The following ATP2B4 variants were observed in gnomAD, a reference collection of about 807,000 sequenced individuals.
ATP2B4 encodes ATPase plasma membrane Ca2+ transporting 4.
ATP2B4 carries 39 observed loss-of-function variants against 110.3 expected under a neutral mutation model. The observed-to-expected ratio is 0.35, with a 90% CI of 0.27 to 0.46. The LOEUF (loss-of-function observed/expected upper bound fraction) is 0.46. ATP2B4 is among the 20% of genes least tolerant of loss of function. The pLI is 1.00. For synonymous variants in ATP2B4, 538 were observed against 571.7 expected, an observed-to-expected ratio of 0.94 and a Z score of 0.84; for missense variants, 1,135 against 1,530.9, an observed-to-expected ratio of 0.74 and a Z score of 4.32.
chr1:203,649,800 A>G (rs1236349989), intron 1 of ATP2B4, among the ~76,000 whole-genome samples: 1 of 152,266 alleles, frequency 6.6e-6, no homozygotes, highest in South Asian at 2.1e-4. Flanking sequence ...AAAAACAAGC[A>G]AAAAACCAAG....
At chr1:203,633,981 C>G (rs1043470455) in intron 1 of ATP2B4, among the ~76,000 whole-genome samples, 4 of 151,922 alleles carry the variant, frequency 2.6e-5, no homozygotes, top group Admixed American at 2.6e-4. Flanking sequence ...ACCTGGGAGG[C>G]GGAGGTTGCA....
At chr1:203,636,189 AG>A (rs1663431267) in intron 1 of ATP2B4, among the ~76,000 whole-genome samples, 1 of 152,242 alleles carries the variant, frequency 6.6e-6, no homozygotes, top group South Asian at 2.1e-4. Context: ...TTCTCTAATT[AG>A]GTGATTCTGA....
At chr1:203,737,391 G>A (rs1666902190) in intron 20 of ATP2B4, among the ~76,000 whole-genome samples, 1 of 152,164 alleles carries the variant, frequency 6.6e-6, no homozygotes, top group African/African-American at 2.4e-5. Context: ...GAAAAATGTG[G>A]GCTATGTTAT....
rs143815943 is a variant in ATP2B4, at chr1:203,664,178, T to C, written c.-464-18564T>C. 2.5e-3 allele frequency among the ~76,000 whole-genome samples: 378 copies of C among 152,322 alleles called. 2 individuals are homozygous for C. The highest frequency in any genetic ancestry group is 8.6e-3 in the African/African-American group (357 of 41,570). ...TACTCTCATGAACTCTTTCTGTCTTTTTACTTAGTCTTGCTGACACCACTT... is the reference window on the plus strand; with the variant it reads ...TACTCTCATGAACTCTTTCTGTCTTCTTACTTAGTCTTGCTGACACCACTT... On this transcript the variant is annotated intron_variant, in intron 1 of 20. Coordinates refer to ENST00000357681, the MANE Select transcript of ATP2B4 (RefSeq NM_001684.5).
At chr1:203,707,316 C>T (rs1404274511) in intron 9 of ATP2B4, 93 bp downstream of exon 9, 2 of 1,290,276 alleles carry the variant, frequency 1.6e-6, no homozygotes, top group Non-Finnish European at 2.1e-6. Context: ...GCCATTCTAT[C>T]ATCTATAAAC....
intron 1 of ATP2B4, among the ~76,000 whole-genome samples, chr1:203,637,607 AT>A: frequency 6.6e-6 from 1 of 152,308 alleles, no homozygotes; most frequent in Admixed American, 6.5e-5. Context: ...TGGATTAGAA[AT>A]TCAGGCAAAG....
chr1:203,639,619 T>C (rs1444866946), intron 1 of ATP2B4, among the ~76,000 whole-genome samples: 2 of 152,188 alleles, frequency 1.3e-5, no homozygotes, highest in Non-Finnish European at 2.9e-5. Context: ...AGTGAGACCA[T>C]GGCCTGAATG....
At chr1:203,699,128 C>T (rs1280036809) in intron 3 of ATP2B4, among the ~76,000 whole-genome samples, 1 of 152,164 alleles carries the variant, frequency 6.6e-6, no homozygotes. Context: ...AAAGTGCCCC[C>T]TGCCACCAAT....
At position 203,686,685 on chromosome 1, in the gene ATP2B4, C is replaced by CTTTTTTTTTTTTTTTTTTTTTTTTTTTT. The variant is rs779048789; in HGVS notation, c.193+3313_193+3314insTTTTTTTTTTTTTTTTTTTTTTTTTTTT. 1.8e-3 allele frequency among the ~76,000 whole-genome samples: 79 copies of CTTTTTTTTTTTTTTTTTTTTTTTTTTTT among 42,784 alleles called. 9 individuals carry two copies. The highest frequency in any genetic ancestry group is 0.011 in the East Asian group (5 of 462). 28.1% of individuals were successfully genotyped at this position (42,784 alleles called of 152,430 possible). ...CCTGGTGTTTTTCTTTCTTTTCTTT[C>CTTTTTTTTTTTTTTTTTTTTTTTTTTTT]TTTTTTTTTTTTTTTTTTTTTTTTT... On this transcript the variant is annotated intron_variant, in intron 2 of 20. Coordinates refer to ENST00000357681, the MANE Select transcript of ATP2B4 (RefSeq NM_001684.5).
chr1:203,698,662 T>A (rs1258989200), intron 3 of ATP2B4, among the ~76,000 whole-genome samples: 2 of 151,646 alleles, frequency 1.3e-5, no homozygotes, highest in Non-Finnish European at 2.9e-5. Flanking sequence ...TATTATTATT[T>A]TAATGGAATC....
intron 1 of ATP2B4, among the ~76,000 whole-genome samples, chr1:203,643,831 G>A (rs2102308599): frequency 6.6e-6 from 1 of 152,330 alleles, no homozygotes; most frequent in Non-Finnish European, 1.5e-5. Context: ...GGTTTTGGCT[G>A]CAGCGTTTTC....
At chr1:203,633,744 A>T (rs139235074) in intron 1 of ATP2B4, among the ~76,000 whole-genome samples, 1 of 151,660 alleles carries the variant, frequency 6.6e-6, no homozygotes, top group African/African-American at 2.4e-5. Flanking sequence ...ATAAATAAAT[A>T]AAGTAAATGC....
At chr1:203,734,292 A>G (rs1399302543) in intron 20 of ATP2B4, among the ~76,000 whole-genome samples, 1 of 151,898 alleles carries the variant, frequency 6.6e-6, no homozygotes, top group Non-Finnish European at 1.5e-5. Context: ...CGATAGAGCA[A>G]GACTCTGTCT....
At chr1:203,728,505 G>A (rs1040308775) in intron 20 of ATP2B4, among the ~76,000 whole-genome samples, 1 of 152,120 alleles carries the variant, frequency 6.6e-6, no homozygotes, top group Non-Finnish European at 1.5e-5. Flanking sequence ...CTGCTGATTG[G>A]CTAGAGATCT....
intron 10 of ATP2B4, among the ~76,000 whole-genome samples, chr1:203,708,721 G>T (rs1665919393): frequency 6.6e-6 from 1 of 152,166 alleles, no homozygotes; most frequent in South Asian, 2.1e-4. Flanking sequence ...GCCAGGCATG[G>T]TTGCGCACCT....
At position 203,726,425 on chromosome 1, in the gene ATP2B4, C is replaced by CTT. The variant is rs71861339; in HGVS notation, c.3133-956_3133-955dup. On this transcript the variant is annotated intron_variant, in intron 19 of 20. Coordinates refer to ENST00000357681, the MANE Select transcript of ATP2B4 (RefSeq NM_001684.5). ...ACCCTGTTCTGTTTGGTGAAGATTT[C>CTT]TTTTTTTTTTTTTTTACCAATGGGT... Among the ~76,000 whole-genome samples the CTT allele has an allele frequency of 2.1e-3, 301 of 145,152 alleles. 3 individuals carry two copies. The East Asian group carries it at 0.028, about 13-fold the overall frequency.
intron 1 of ATP2B4, among the ~76,000 whole-genome samples, chr1:203,637,654 A>G (rs1254077723): frequency 2.0e-5 from 3 of 152,160 alleles, no homozygotes; most frequent in South Asian, 2.1e-4. Context: ...CTCCTTGCCA[A>G]TCCAGACTTT....
At chr1:203,731,295 T>C (rs539004195) in intron 20 of ATP2B4, among the ~76,000 whole-genome samples, 8 of 152,316 alleles carry the variant, frequency 5.3e-5, no homozygotes, top group African/African-American at 1.7e-4. Context: ...CAGGAAGCTT[T>C]ATAAAAGGAC....
intron 2 of ATP2B4, among the ~76,000 whole-genome samples, chr1:203,689,239 A>G (rs1665294831): frequency 6.6e-6 from 1 of 152,158 alleles, no homozygotes; most frequent in Non-Finnish European, 1.5e-5. Context: ...AGGAAGAGGT[A>G]TTTTCCTTAG....
Sources: gnomAD v4.1 joint callset for allele counts (sites outside exome capture counted in the v4.1 genomes callset) on GRCh38, gnomAD v4.1.1 for gene constraint, MANE v1.5 for transcripts, NCBI Gene and HGNC (gene_info 2026-07-23, HGNC 2026-07-21) for gene names.